Variants in SLCO3A1 observed in about 807,000 individuals in gnomAD.
The protein encoded by SLCO3A1 is solute carrier organic anion transporter family member 3A1, also known as PGE1 transporter.
Under a neutral mutation model 63.1 loss-of-function variants are expected in SLCO3A1, and 27 were observed. That is an observed-to-expected ratio of 0.43 (90% CI 0.32 to 0.59). SLCO3A1 has a LOEUF of 0.59. Ranked by LOEUF, SLCO3A1 falls within the 20% of genes least tolerant of loss-of-function variation. SLCO3A1 has a pLI of 0.09. For missense variants in SLCO3A1, 773 were observed against 945.8 expected, an observed-to-expected ratio of 0.82 and a Z score of 2.40; for synonymous variants, 473 against 409.9, an observed-to-expected ratio of 1.15 and a Z score of -1.86.
intron 4 of SLCO3A1, among the ~76,000 whole-genome samples, chr15:92,105,214 C>T (rs2047653601): frequency 1.3e-5 from 2 of 152,038 alleles, no homozygotes; most frequent in Non-Finnish European, 2.9e-5. Context: ...CCAGAGGTTG[C>T]AGTGAGCCAA....
chr15:92,035,174 A>G lies in SLCO3A1; in HGVS notation c.647-59707A>G, dbSNP rs1043054640. Among the ~76,000 whole-genome samples the G allele has an allele frequency of 2.2e-4, 34 of 151,740 alleles. 3 individuals carry two copies. The highest frequency in any genetic ancestry group is 3.4e-3 in the Middle Eastern group (1 of 292). ...CGGCCATGTACAGGGTCAGCCTTCT[A>G]TTTTTCCAGGTGGCCTCATGAGTTC... is the stretch of plus-strand genomic sequence containing the variant. On this transcript the variant is annotated intron_variant, in intron 2 of 9. Coordinates refer to ENST00000318445, the MANE Select transcript of SLCO3A1 (RefSeq NM_013272.4).
chr15:92,164,215 A>G lies in SLCO3A1; in HGVS notation c.*1080A>G, dbSNP rs2048474080. 3 of 985,110 alleles carry G rather than the reference A, an allele frequency of 3.0e-6. No individual in the cohort carries two copies. The highest frequency in any genetic ancestry group is 1.7e-5 in the African/African-American group (1 of 57,190). 61.0% of individuals were successfully genotyped at this position (985,110 alleles called of 1,614,324 possible). On this transcript the variant is annotated 3_prime_UTR_variant, in exon 10 of 10. Transcript: ENST00000318445. ...TCTCCTTTTTTAATGCACCAAAAAT[A>G]TGTGATACAAGGGATGCAATTAACC...
intron 3 of SLCO3A1, among the ~76,000 whole-genome samples, chr15:92,097,716 C>T (rs1183192056): frequency 6.6e-6 from 1 of 152,160 alleles, no homozygotes; most frequent in Non-Finnish European, 1.5e-5. Flanking sequence ...TCTTTGTTTG[C>T]GTCCTTCCCG....
rs1447540436 is a variant in SLCO3A1, at chr15:91,875,561, GT to G, written c.180+21475del. Among the ~76,000 whole-genome samples the G allele has an allele frequency of 6.6e-6, 1 of 152,242 alleles. No individual in the cohort carries two copies. Among genetic ancestry groups the G allele is most frequent in the African/African-American group, 2.4e-5 (1 of 41,462 alleles). On this transcript the variant is annotated intron_variant, in intron 1 of 9. Coordinates refer to ENST00000318445, the MANE Select transcript of SLCO3A1 (RefSeq NM_013272.4). This position sits in a 1 kb window ranked among gnomAD's most constrained non-coding sequence, Gnocchi z 4.5. Reference sequence around the variant, plus strand: ...GAGGGCTCTCCTGAGCGTGAAAGGAGTTACTGCCTGGGAAGCACTTGTGTGT... The same window carrying G: ...GAGGGCTCTCCTGAGCGTGAAAGGAGTACTGCCTGGGAAGCACTTGTGTGT...
rs192389801 is a variant in SLCO3A1 at position 91,920,973 on chromosome 15, T to G, written c.646+4515T>G. Among the ~76,000 whole-genome samples, 4 of 152,260 alleles carry G rather than the reference T, an allele frequency of 2.6e-5. No individual in the cohort carries two copies. In the East Asian group the frequency reaches 7.7e-4, roughly 29 times the overall value. On this transcript the variant is annotated intron_variant, in intron 2 of 9. Transcript: ENST00000318445. ...GGGATGCCAAGGGCTGGGGAGCTCATTACCAGAGGACAAAACCAGATGAAT... is the reference window on the plus strand; with the variant it reads ...GGGATGCCAAGGGCTGGGGAGCTCAGTACCAGAGGACAAAACCAGATGAAT...
At chr15:92,165,987 C>A, downstream of SLCO3A1, 1 of 683,710 alleles carries the variant, frequency 1.5e-6, no homozygotes, top group Non-Finnish European at 1.8e-6. Context: ...TCTCTCTCTG[C>A]TGAAATTGAC....
chr15:91,911,916 C>T (rs1299001121), intron 1 of SLCO3A1, among the ~76,000 whole-genome samples: 2 of 152,050 alleles, frequency 1.3e-5, no homozygotes, highest in Non-Finnish European at 2.9e-5. Context: ...TGAGCCACTG[C>T]GCCCGGCCGG....
chr15:91,891,655 GTAA>G (rs1440257369), intron 1 of SLCO3A1, among the ~76,000 whole-genome samples: 1 of 152,202 alleles, frequency 6.6e-6, no homozygotes. Context: ...GTCTTACAGG[GTAA>G]TGTTTCTTTG....
chr15:92,034,749 G>T (rs977152909), intron 2 of SLCO3A1, among the ~76,000 whole-genome samples: 3 of 151,894 alleles, frequency 2.0e-5, no homozygotes, highest in African/African-American at 7.2e-5. Flanking sequence ...GGAAGGCCTC[G>T]TTCCCATGTC....
At chr15:91,975,636 G>A (rs185718166) in intron 2 of SLCO3A1, among the ~76,000 whole-genome samples, 8 of 152,230 alleles carry the variant, frequency 5.3e-5, no homozygotes, top group Non-Finnish European at 8.8e-5. Flanking sequence ...GTCTCCAGCA[G>A]ACAAGCTGCA....
At chr15:91,870,991 G>A (rs933745245) in intron 1 of SLCO3A1, among the ~76,000 whole-genome samples, 18 of 151,794 alleles carry the variant, frequency 1.2e-4, no homozygotes, top group African/African-American at 3.9e-4. Context: ...GCTGAGTTAC[G>A]TTTTCTTTTA....
rs1222583749 is a variant in SLCO3A1 at position 91,875,652 on chromosome 15, G to A, written c.180+21564G>A. On this transcript the variant is annotated intron_variant, in intron 1 of 9. Coordinates refer to ENST00000318445, the MANE Select transcript of SLCO3A1 (RefSeq NM_013272.4). The surrounding 1 kb of genome is among the most constrained non-coding windows in gnomAD (Gnocchi z 4.5). ...GTCCCTGGAGACAGTTGCTCAGTCC[G>A]TGTTTTGCTTTGAAGGTTTTGCCGT... 1.3e-5 allele frequency among the ~76,000 whole-genome samples: 2 copies of A among 152,322 alleles called. No individual in the cohort carries two copies. Among genetic ancestry groups the A allele is most frequent in the African/African-American group, 2.4e-5 (1 of 41,568 alleles).
At chr15:91,908,148 T>G (rs992099703) in intron 1 of SLCO3A1, among the ~76,000 whole-genome samples, 1 of 152,122 alleles carries the variant, frequency 6.6e-6, no homozygotes, top group African/African-American at 2.4e-5. Flanking sequence ...GTGCCTTGTC[T>G]CATATTACCC....
chr15:92,161,468 TTCATC>T (rs1416781068), intron 9 of SLCO3A1: 1 of 152,188 alleles, frequency 6.6e-6, no homozygotes, highest in Non-Finnish European at 1.5e-5. Context: ...GGGAACGGTT[TTCATC>T]TCATCTGCCA....
At chr15:91,924,297 T>A (rs1023519706) in intron 2 of SLCO3A1, among the ~76,000 whole-genome samples, 4 of 152,174 alleles carry the variant, frequency 2.6e-5, no homozygotes, top group Admixed American at 2.6e-4. Context: ...CCAGATCTTC[T>A]GATTGTTAAG....
chr15:92,072,896 T>A (rs940659756), intron 2 of SLCO3A1, among the ~76,000 whole-genome samples: 3 of 152,192 alleles, frequency 2.0e-5, no homozygotes, highest in Non-Finnish European at 4.4e-5. Context: ...ATTCACAGGT[T>A]CCAGGACATA....
intron 2 of SLCO3A1, among the ~76,000 whole-genome samples, chr15:91,937,479 G>A (rs995199995): frequency 6.6e-6 from 1 of 152,154 alleles, no homozygotes; most frequent in African/African-American, 2.4e-5. Flanking sequence ...CAGTACTTCC[G>A]GAGGCCGAGG....
chr15:92,015,184 A>C (rs1037015466), intron 2 of SLCO3A1, among the ~76,000 whole-genome samples: 2 of 152,106 alleles, frequency 1.3e-5, no homozygotes, highest in African/African-American at 4.8e-5. Flanking sequence ...GGAGTGAGCA[A>C]CTTGGTACAT....
intron 2 of SLCO3A1, among the ~76,000 whole-genome samples, chr15:92,056,570 T>C (rs2047024145): frequency 6.6e-6 from 1 of 152,226 alleles, no homozygotes; most frequent in African/African-American, 2.4e-5. Context: ...CTTCCTCCCA[T>C]GTAGTATTAG....
Sources: gnomAD v4.1 joint callset for allele counts (sites outside exome capture counted in the v4.1 genomes callset) on GRCh38, gnomAD v4.1.1 for gene constraint, Gnocchi (gnomAD v3.1) non-coding constraint, MANE v1.5 for transcripts, NCBI Gene and HGNC (gene_info 2026-07-23, HGNC 2026-07-21) for gene names.